The following GRIK2 variants were observed in gnomAD, a reference collection of about 807,000 sequenced individuals.
GRIK2 encodes glutamate receptor ionotropic, kainate 2.
GRIK2 carries 32 observed loss-of-function variants against 100.3 expected under a neutral mutation model. The ratio of observed to expected loss-of-function variants is 0.32; its 90% CI spans 0.24 to 0.43. The LOEUF (loss-of-function observed/expected upper bound fraction) is 0.43, where lower values mean the gene tolerates loss of function less well. Ranked by LOEUF, GRIK2 falls within the 20% of genes least tolerant of loss-of-function variation. The pLI is 1.00. For missense variants in GRIK2, 843 were observed against 1,114.9 expected, an observed-to-expected ratio of 0.76 and a Z score of 3.47; for synonymous variants, 417 against 389.4, an observed-to-expected ratio of 1.07 and a Z score of -0.83.
Position 101,406,924 on chromosome 6 carries a change from C to T in GRIK2, c.115+7532C>T, listed in dbSNP as rs528527750. On this transcript the variant is annotated intron_variant, in intron 2 of 16. Transcript: ENST00000369134. Reference sequence around the variant, plus strand: ...TACCTCCTTTTCAATCAATTAGCTACTTTTCTATTATTAAACTAAAGTAAG... The same window carrying T: ...TACCTCCTTTTCAATCAATTAGCTATTTTTCTATTATTAAACTAAAGTAAG... 7.2e-5 allele frequency among the ~76,000 whole-genome samples: 11 copies of T among 152,212 alleles called. No individual in the cohort carries two copies. The South Asian group carries it at 2.3e-3, about 32-fold the overall frequency.
At chr6:101,761,414 C>T (rs1306183135) in intron 7 of GRIK2, among the ~76,000 whole-genome samples, 3 of 152,062 alleles carry the variant, frequency 2.0e-5, no homozygotes, top group African/African-American at 7.2e-5. Flanking sequence ...GCAAATATAA[C>T]TGACTCATTA....
chr6:101,825,134 AT>A (rs1187863192), intron 10 of GRIK2, among the ~76,000 whole-genome samples: 1 of 152,150 alleles, frequency 6.6e-6, no homozygotes, highest in Non-Finnish European at 1.5e-5. Context: ...GAAGAAAAAT[AT>A]TTTCCTTCTC....
At chr6:102,001,236 C>T (rs1246231657) in intron 14 of GRIK2, among the ~76,000 whole-genome samples, 2 of 149,574 alleles carry the variant, frequency 1.3e-5, no homozygotes, top group Non-Finnish European at 3.0e-5. Context: ...ATGTGCAGAA[C>T]GTGCATGTTT....
At chr6:101,913,510 A>T (rs1387903245) in intron 12 of GRIK2, among the ~76,000 whole-genome samples, 1 of 151,616 alleles carries the variant, frequency 6.6e-6, no homozygotes, top group African/African-American at 2.4e-5. Flanking sequence ...AATTAAAATG[A>T]CATACTTCAT....
intron 2 of GRIK2, among the ~76,000 whole-genome samples, chr6:101,589,981 AG>A (rs1778564651): frequency 6.6e-6 from 1 of 152,102 alleles, no homozygotes; most frequent in African/African-American, 2.4e-5. Context: ...GTACTACAAA[AG>A]GTAGAGTGAT....
At chr6:101,944,207 C>A (rs1469698171) in intron 14 of GRIK2, among the ~76,000 whole-genome samples, 1 of 152,116 alleles carries the variant, frequency 6.6e-6, no homozygotes, top group Admixed American at 6.5e-5. Flanking sequence ...CCTGAGCTCT[C>A]CCTAGCCATG....
rs1771411668 is a variant in GRIK2 at position 102,055,320 on chromosome 6, C to T, written c.2312-10C>T. ...CCTTGAAATACTTAACATAACCTCT[C>T]CTTTCTTAGGTTCTCCATATCGAGA... is the stretch of plus-strand genomic sequence containing the variant. On this transcript the variant is annotated splice_polypyrimidine_tract_variant and intron_variant, in intron 15 of 16. Coordinates refer to ENST00000369134, the MANE Select transcript of GRIK2 (RefSeq NM_021956.5). The T allele has an allele frequency of 2.5e-6, 4 of 1,600,872 alleles. No individual in the cohort carries two copies. The Admixed American group carries it at 6.7e-5, about 27-fold the overall frequency.
chr6:101,984,215 C>T (rs537550625), intron 14 of GRIK2, among the ~76,000 whole-genome samples: 20 of 151,632 alleles, frequency 1.3e-4, no homozygotes, highest in Admixed American at 3.3e-4. Flanking sequence ...AAAAGACCAG[C>T]ACTTTGAACC....
At chr6:101,947,840 C>T (rs924993985) in intron 14 of GRIK2, among the ~76,000 whole-genome samples, 3 of 152,214 alleles carry the variant, frequency 2.0e-5, no homozygotes, top group East Asian at 3.9e-4. Flanking sequence ...GCACCTACAT[C>T]GACACTTTAT....
intron 10 of GRIK2, among the ~76,000 whole-genome samples, chr6:101,823,415 A>G (rs1408324325): frequency 6.6e-6 from 1 of 151,978 alleles, no homozygotes; most frequent in East Asian, 1.9e-4. Context: ...TGGATCGTCA[A>G]CTACAGGTCT....
chr6:101,518,511 A>G (rs1400652381), intron 2 of GRIK2, among the ~76,000 whole-genome samples: 4 of 150,846 alleles, frequency 2.7e-5, no homozygotes, highest in Admixed American at 6.7e-5. Flanking sequence ...GAGGCAATCA[A>G]TTTTCTATGT....
In GRIK2 at chr6:101,399,190, A is replaced by G. The variant is rs779256919; in HGVS notation, c.-88A>G. 2.6e-4 allele frequency: 194 copies of G among 758,126 alleles called. No homozygotes were observed. The highest frequency in any genetic ancestry group is 4.2e-4 in the Non-Finnish European group (174 of 409,578). The allele number at this position is 758,126 out of a possible 1,614,324, so 47.0% of individuals were successfully genotyped here. Reference sequence around the variant, plus strand: ...TGCCGTGATCGTGTCTGCGGTCACCACTCGACGCATCCTCATTTCTACCCG... The same window carrying G: ...TGCCGTGATCGTGTCTGCGGTCACCGCTCGACGCATCCTCATTTCTACCCG... On this transcript the variant is annotated 5_prime_UTR_variant, in exon 2 of 17. Coordinates refer to ENST00000369134, the MANE Select transcript of GRIK2 (RefSeq NM_021956.5).
At chr6:101,883,473 T>C (rs913379926) in intron 11 of GRIK2, among the ~76,000 whole-genome samples, 4 of 152,022 alleles carry the variant, frequency 2.6e-5, no homozygotes, top group African/African-American at 4.8e-5. Flanking sequence ...AACTCCTTAC[T>C]CAAAAGGAAC....
At chr6:101,522,865 A>G (rs1459582220) in intron 2 of GRIK2, among the ~76,000 whole-genome samples, 2 of 151,496 alleles carry the variant, frequency 1.3e-5, no homozygotes, top group Non-Finnish European at 2.9e-5. Flanking sequence ...CTTTGTCCAC[A>G]TTAACTGGCA....
At chr6:101,846,002 G>A (rs1582368188) in intron 10 of GRIK2, among the ~76,000 whole-genome samples, 1 of 148,032 alleles carries the variant, frequency 6.8e-6, no homozygotes, top group Non-Finnish European at 1.5e-5. Flanking sequence ...TTTTTAAACA[G>A]CATTGTTTTT....
At chr6:101,586,369 C>G (rs1309226567) in intron 2 of GRIK2, among the ~76,000 whole-genome samples, 1 of 152,134 alleles carries the variant, frequency 6.6e-6, no homozygotes, top group East Asian at 1.9e-4. Context: ...TTTTACTCTC[C>G]TCATGGTACA....
chr6:101,838,383 C>G (rs1322909472), intron 10 of GRIK2, among the ~76,000 whole-genome samples: 2 of 152,044 alleles, frequency 1.3e-5, no homozygotes, highest in Non-Finnish European at 2.9e-5. Flanking sequence ...ATCAACCCAC[C>G]AAGATTCCTT....
intron 14 of GRIK2, among the ~76,000 whole-genome samples, chr6:101,983,612 A>T (rs769676742): frequency 1.3e-5 from 2 of 151,806 alleles, no homozygotes; most frequent in African/African-American, 2.4e-5. Context: ...ATATAACTCA[A>T]TGATAAAAAT....
intron 14 of GRIK2, among the ~76,000 whole-genome samples, chr6:101,940,235 T>C (rs1351636298): frequency 1.3e-5 from 2 of 152,088 alleles, no homozygotes; most frequent in East Asian, 3.8e-4. Context: ...AGATCACTGT[T>C]TGTGGCTTTT....
Sources: gnomAD v4.1 joint callset for allele counts (sites outside exome capture counted in the v4.1 genomes callset) on GRCh38, gnomAD v4.1.1 for gene constraint, MANE v1.5 for transcripts, NCBI Gene and HGNC (gene_info 2026-07-23, HGNC 2026-07-21) for gene names.